RASA3: variants seen among roughly 807,000 people sequenced by gnomAD.
The protein encoded by RASA3 is ras GTPase-activating protein 3.
RASA3 carries 73 observed loss-of-function variants against 110.0 expected under a neutral mutation model. The ratio of observed to expected loss-of-function variants is 0.66; its 90% CI spans 0.55 to 0.81. The LOEUF is 0.81. Among genes scored for constraint, RASA3 ranks in the 30% least tolerant of loss-of-function variants. The pLI is 0.00. For synonymous variants in RASA3, 500 were observed against 451.4 expected, an observed-to-expected ratio of 1.11 and a Z score of -1.37; for missense variants, 976 against 1,113.2, an observed-to-expected ratio of 0.88 and a Z score of 1.75.
intron 16 of RASA3, among the ~76,000 whole-genome samples, chr13:114,010,240 A>G (rs111615262): frequency 3.3e-5 from 5 of 152,148 alleles, no homozygotes; most frequent in African/African-American, 1.2e-4. Context: ...TGCTCCCCAA[A>G]GCCCTCATTT....
intron 11 of RASA3, among the ~76,000 whole-genome samples, 165 bp downstream of exon 11, chr13:114,017,939 A>AG (rs1321403261): frequency 3.9e-5 from 6 of 151,976 alleles, no homozygotes; most frequent in African/African-American, 1.4e-4. Context: ...AAAAAAAAAA[A>AG]GAATCATTAA....
intron 9 of RASA3, 151 bp from the exon 10 acceptor site, chr13:114,019,070 C>A: frequency 2.0e-6 from 2 of 1,008,532 alleles, no homozygotes; most frequent in South Asian, 1.6e-5. Flanking sequence ...GACTCCCCAC[C>A]GAAGACCCCC....
Position 114,074,187 on chromosome 13 carries a change from C to T in RASA3, c.56-350G>A, listed in dbSNP as rs530533519. Among the ~76,000 whole-genome samples the T allele has an allele frequency of 1.7e-3, 252 of 152,352 alleles. 2 individuals are homozygous for T. The highest frequency in any genetic ancestry group is 5.7e-3 in the African/African-American group (238 of 41,580). ...GTGCACAGTTCTGTGGCATTAACCACGTTCACCGAGTTGTGCAACCATCAC... is the reference window on the plus strand; with the variant it reads ...GTGCACAGTTCTGTGGCATTAACCATGTTCACCGAGTTGTGCAACCATCAC... On this transcript the variant is annotated intron_variant, in intron 1 of 23. Coordinates refer to ENST00000334062, the MANE Select transcript of RASA3 (RefSeq NM_007368.4).
rs569799585 is a variant in RASA3, at chr13:114,075,007, C to T, written c.56-1170G>A. Among the ~76,000 whole-genome samples, 4 of 152,320 alleles carry T rather than the reference C, an allele frequency of 2.6e-5. No individual in the cohort carries two copies. In the South Asian group the frequency reaches 8.3e-4, roughly 32 times the overall value. On this transcript the variant is annotated intron_variant, in intron 1 of 23. Coordinates refer to ENST00000334062, the MANE Select transcript of RASA3 (RefSeq NM_007368.4). ...ACGCCTCAAACACACTCGCGCCTCC[C>T]CAGGGCCTTTTCTGCCTCCGTCATT...
At chr13:114,027,364 A>C (rs2054045001) in intron 7 of RASA3, 25 bp downstream of exon 7, 3 of 1,560,888 alleles carry the variant, frequency 1.9e-6, no homozygotes, top group Middle Eastern at 1.7e-4. Flanking sequence ...GTTTCCACTT[A>C]ACGTTGACCC....
chr13:114,022,522 G>A (rs919386406), intron 8 of RASA3, among the ~76,000 whole-genome samples: 2 of 152,202 alleles, frequency 1.3e-5, no homozygotes, highest in African/African-American at 4.8e-5. Flanking sequence ...CCCCCTGGAG[G>A]GAGAAGATTC....
Position 114,114,054 on chromosome 13 carries a change from C to T in RASA3, c.55+18381G>A, listed in dbSNP as rs1424698040. Among the ~76,000 whole-genome samples, 1 of 151,988 alleles carries T rather than the reference C, an allele frequency of 6.6e-6. No individual in the cohort carries two copies. The highest frequency in any genetic ancestry group is 2.4e-5 in the African/African-American group (1 of 41,252). On this transcript the variant is annotated intron_variant, in intron 1 of 23. Coordinates refer to ENST00000334062, the MANE Select transcript of RASA3 (RefSeq NM_007368.4). The surrounding 1 kb of genome is among the most constrained non-coding windows in gnomAD (Gnocchi z 4.8). ...CGAGTGATGTCCGTATAGCTCACAC[C>T]GCATCCATCAATCCACCCACCACAG... is the stretch of plus-strand genomic sequence containing the variant.
rs557044061 is a variant in RASA3, at chr13:114,056,595, G to T, written c.174-4440C>A. 3 of 985,114 alleles carry T rather than the reference G, an allele frequency of 3.0e-6. No homozygotes were observed. In the East Asian group the frequency reaches 3.4e-4, roughly 112 times the overall value. 61.0% of individuals were successfully genotyped at this position (985,114 alleles called of 1,614,324 possible). A position where few individuals can be genotyped will look rare whatever the true frequency, so the allele number is the denominator to read the frequency against. On this transcript the variant is annotated intron_variant, in intron 2 of 23. Coordinates refer to ENST00000334062, the MANE Select transcript of RASA3 (RefSeq NM_007368.4). This position sits in a 1 kb window ranked among gnomAD's most constrained non-coding sequence, Gnocchi z 5.7. ...CTGCTTGGCAGTGGGGGGCTCGGTG[G>T]GGGGAGGCCCGTGCTGGCTGGGCAC... is the stretch of plus-strand genomic sequence containing the variant.
At chr13:113,990,958 T>C (rs1439847683) in intron 22 of RASA3, among the ~76,000 whole-genome samples, 1 of 151,886 alleles carries the variant, frequency 6.6e-6, no homozygotes, top group Admixed American at 6.5e-5. Context: ...AGAACAGGCG[T>C]GGCCAAGCTC....
chr13:114,073,648 C>T (rs572238276), intron 2 of RASA3, 72 bp downstream of exon 2: 57 of 1,227,946 alleles, frequency 4.6e-5, no homozygotes, highest in South Asian at 2.5e-4. Context: ...GGGAAGGTGA[C>T]GTACACCCTT....
rs545235467 is a variant in RASA3 at position 114,103,483 on chromosome 13, C to G, written c.55+28952G>C. On this transcript the variant is annotated intron_variant, in intron 1 of 23. Transcript: ENST00000334062. ...ACAGAACCAAGCCGCCGAGGAGCAC[C>G]TGACACCGGAGCCCGAGTCTCGGCT... Among the ~76,000 whole-genome samples the G allele has an allele frequency of 2.0e-5, 3 of 152,162 alleles. No individual in the cohort carries two copies. In the South Asian group the frequency reaches 6.2e-4, roughly 32 times the overall value.
In RASA3 at chr13:114,121,800, C is replaced by T. The variant is rs117731190; in HGVS notation, c.55+10635G>A. 5.3e-3 allele frequency among the ~76,000 whole-genome samples: 811 copies of T among 152,326 alleles called. 12 individuals are homozygous for T. Among genetic ancestry groups the T allele is most frequent in the East Asian group, 0.019 (101 of 5,180 alleles). ...CTAGCCCTGTACAGTGAATGAGATA[C>T]TAGTTGTTTACAGCTGTGAGCATAC... On this transcript the variant is annotated intron_variant, in intron 1 of 23. Transcript: ENST00000334062.
chr13:114,088,972 C>T (rs1594442682), intron 1 of RASA3, among the ~76,000 whole-genome samples: 4 of 152,270 alleles, frequency 2.6e-5, no homozygotes, highest in Middle Eastern at 3.4e-3. Context: ...AAAAACTCCA[C>T]CATATATGAA....
At chr13:114,013,120 G>A (rs528635874) in intron 15 of RASA3, 22 bp downstream of exon 15, 27 of 1,601,140 alleles carry the variant, frequency 1.7e-5, no homozygotes, top group East Asian at 4.5e-5. Context: ...AGAAAGCCTC[G>A]GTCCCTCAGC....
rs778707395 is a variant in RASA3, at chr13:114,041,122, C to T, written c.278-28G>A. The T allele has an allele frequency of 6.3e-6, 10 of 1,599,090 alleles. No individual in the cohort carries two copies. The Admixed American group carries it at 1.7e-4, about 27-fold the overall frequency. ...GCAACACAAGCAGAGAAGACTTCAC[C>T]ACGGGCACAGGCCCCAGAGCCAGGA... On this transcript the variant is annotated intron_variant, in intron 3 of 23. Transcript: ENST00000334062.
chr13:114,013,573 T>C (rs2053695724), intron 14 of RASA3, among the ~76,000 whole-genome samples: 1 of 94,988 alleles, frequency 1.1e-5, no homozygotes, highest in Admixed American at 1.0e-4. Flanking sequence ...TCTCCCTATC[T>C]CTGTCTCTCT....
At chr13:113,999,159 G>A (rs1401187506) in intron 20 of RASA3, among the ~76,000 whole-genome samples, 2 of 151,994 alleles carry the variant, frequency 1.3e-5, no homozygotes, top group African/African-American at 4.8e-5. Flanking sequence ...TCTGGGTCAA[G>A]GGTGTGTGGA....
rs1199143512 is a variant in RASA3 at position 114,011,675 on chromosome 13, C to T, written c.1513-427G>A. On this transcript the variant is annotated intron_variant, in intron 15 of 23. Coordinates refer to ENST00000334062, the MANE Select transcript of RASA3 (RefSeq NM_007368.4). This position sits in a 1 kb window ranked among gnomAD's most constrained non-coding sequence, Gnocchi z 4.8. The stretch of plus-strand genomic sequence containing the variant: ...TGGTGGCTCACGCCTGTAATCCCAG[C>T]ACTTCGGGAGGCCGAGGCAGGTAGA... 6.6e-6 allele frequency among the ~76,000 whole-genome samples: 1 copy of T among 152,150 alleles called. No homozygotes were observed. The highest frequency in any genetic ancestry group is 2.4e-5 in the African/African-American group (1 of 41,416).
Position 113,996,715 on chromosome 13 carries a change from G to C in RASA3, c.1957C>G (p.Arg653Gly). 1 of 1,613,728 alleles carries C rather than the reference G, an allele frequency of 6.2e-7. No individual in the cohort carries two copies. The highest frequency in any genetic ancestry group is 8.5e-7 in the Non-Finnish European group (1 of 1,180,004). The change falls in exon 21 of 24, where the codon CGT (arginine) becomes GGT (glycine). Residue 653 changes from arginine to glycine, a missense_variant. Arg to Gly is a moderately radical substitution (Grantham distance 125). This residue lies in a region of RASA3 where 109 missense variants were observed against 162.5 expected (regional missense o/e 0.67). Coordinates refer to ENST00000334062, the MANE Select transcript of RASA3 (RefSeq NM_007368.4). ...TTGTTGGCCTGGATGTACAGCGCAC[G>C]CTCTGGCTGGATGACCTGGAACATC... Reference protein sequence around the residue: ...KNMFQVIQPERALYIQANNCV... With the variant: ...KNMFQVIQPEGALYIQANNCV...
Sources: allele counts gnomAD v4.1 joint callset (sites outside exome capture counted in the v4.1 genomes callset), GRCh38; gene constraint gnomAD v4.1.1; regional missense constraint gnomAD v4.1.1; non-coding constraint Gnocchi (gnomAD v3.1); transcripts MANE v1.5; gene names NCBI Gene and HGNC (gene_info 2026-07-23, HGNC 2026-07-21).